Variants in ZNF892 observed in about 807,000 individuals in gnomAD.
ZNF892 encodes zinc finger protein 570-like.
chr2:95,259,240 A>T, the ZNF892 span: 2 of 152,508 alleles, frequency 1.3e-5, no homozygotes, highest in Non-Finnish European at 2.9e-5. Context: ...GCTTGAGGTA[A>T]TCCTTATGTC....
the ZNF892 span, among the ~76,000 whole-genome samples, chr2:95,224,630 A>G: frequency 2.6e-4 from 40 of 152,276 alleles, no homozygotes; most frequent in East Asian, 6.2e-3. Flanking sequence ...TCATGATCCA[A>G]TCGCCTCCAA....
chr2:95,253,144 C>T, the ZNF892 span, among the ~76,000 whole-genome samples: 1 of 152,322 alleles, frequency 6.6e-6, no homozygotes, highest in South Asian at 2.1e-4. Flanking sequence ...GTGTTTTAGA[C>T]ATGAAGTCCT....
the ZNF892 span, among the ~76,000 whole-genome samples, chr2:95,210,231 GTATATATGTATA>G: frequency 6.7e-6 from 1 of 148,898 alleles, no homozygotes; most frequent in Non-Finnish European, 1.5e-5. Context: ...ATATATATGT[GTATATATGTATA>G]TATATATGTG....
At chr2:95,225,043 AAATTACCCAT>A in the ZNF892 span, among the ~76,000 whole-genome samples, 30 of 152,206 alleles carry the variant, frequency 2.0e-4, no homozygotes, top group African/African-American at 7.2e-4. Context: ...TATTCGCTAT[AAATTACCCAT>A]TATAGCATTC....
chr2:95,238,486 G>A, the ZNF892 span, among the ~76,000 whole-genome samples: 2 of 152,194 alleles, frequency 1.3e-5, no homozygotes, highest in Non-Finnish European at 2.9e-5. Flanking sequence ...AGATGCACAA[G>A]GAGATTAATA....
chr2:95,209,940 G>T, the ZNF892 span, among the ~76,000 whole-genome samples: 1 of 152,080 alleles, frequency 6.6e-6, no homozygotes, highest in Admixed American at 6.5e-5. Flanking sequence ...TGTATTTTGG[G>T]CAGAGGATTT....
the ZNF892 span, among the ~76,000 whole-genome samples, chr2:95,251,805 T>A: frequency 3.3e-5 from 5 of 152,358 alleles, no homozygotes; most frequent in African/African-American, 9.6e-5. Flanking sequence ...GAATCTCTTC[T>A]TAGGATTTTC....
chr2:95,222,420 A>G, the ZNF892 span, among the ~76,000 whole-genome samples: 1 of 152,240 alleles, frequency 6.6e-6, no homozygotes, highest in Non-Finnish European at 1.5e-5. Flanking sequence ...AACCTTTTCC[A>G]GAATGATTAA....
At chr2:95,217,234 C>A in the ZNF892 span, among the ~76,000 whole-genome samples, 1 of 152,146 alleles carries the variant, frequency 6.6e-6, no homozygotes, top group African/African-American at 2.4e-5. Flanking sequence ...GCCCTTATTA[C>A]CTCATTTAAC....
At chr2:95,240,557 A>G in the ZNF892 span, among the ~76,000 whole-genome samples, 1 of 152,320 alleles carries the variant, frequency 6.6e-6, no homozygotes, top group South Asian at 2.1e-4. Context: ...ACAGAGACCC[A>G]GGAGTTTTAC....
the ZNF892 span, among the ~76,000 whole-genome samples, chr2:95,228,259 G>A: frequency 6.6e-6 from 1 of 152,164 alleles, no homozygotes; most frequent in Non-Finnish European, 1.5e-5. Flanking sequence ...CTACACATGT[G>A]TGATTTTCAT....
chr2:95,239,556 A>T, the ZNF892 span, among the ~76,000 whole-genome samples: 1 of 152,158 alleles, frequency 6.6e-6, no homozygotes, highest in Non-Finnish European at 1.5e-5. Context: ...ATTAGTCAGC[A>T]GCCATCATCA....
chr2:95,222,869 G>A, the ZNF892 span, among the ~76,000 whole-genome samples: 1 of 152,060 alleles, frequency 6.6e-6, no homozygotes, highest in Non-Finnish European at 1.5e-5. Context: ...TCTTCTAGTA[G>A]CTTAATGATA....
the ZNF892 span, among the ~76,000 whole-genome samples, chr2:95,227,884 A>T: frequency 6.6e-6 from 1 of 152,090 alleles, no homozygotes; most frequent in Non-Finnish European, 1.5e-5. Flanking sequence ...GGATTATAGC[A>T]TGTGTCTTCT....
the ZNF892 span, among the ~76,000 whole-genome samples, chr2:95,253,403 G>A: frequency 6.6e-6 from 1 of 152,186 alleles, no homozygotes; most frequent in Non-Finnish European, 1.5e-5. Context: ...TAGATATGTG[G>A]CATTATTTCT....
the ZNF892 span, among the ~76,000 whole-genome samples, chr2:95,209,150 G>C: frequency 6.6e-6 from 1 of 152,152 alleles, no homozygotes; most frequent in Non-Finnish European, 1.5e-5. Context: ...TTTATCATCT[G>C]TTTGGGAGAA....
At chr2:95,241,996 A>G in the ZNF892 span, among the ~76,000 whole-genome samples, 3 of 152,230 alleles carry the variant, frequency 2.0e-5, no homozygotes, top group African/African-American at 4.8e-5. Flanking sequence ...ACATGAGGTT[A>G]TGTAAAGAGA....
chr2:95,226,264 T>C, the ZNF892 span, among the ~76,000 whole-genome samples: 1 of 152,262 alleles, frequency 6.6e-6, no homozygotes, highest in Non-Finnish European at 1.5e-5. Flanking sequence ...TATTTCTTCC[T>C]TTCCAATTTA....
the ZNF892 span, among the ~76,000 whole-genome samples, chr2:95,255,287 C>T: frequency 6.6e-6 from 1 of 152,080 alleles, no homozygotes; most frequent in African/African-American, 2.4e-5. Flanking sequence ...TGTCTTTGTT[C>T]TCGTTGGTTT....
Sources: gnomAD v4.1 joint callset for allele counts (sites outside exome capture counted in the v4.1 genomes callset) on GRCh38, gnomAD v4.1.1 for gene constraint, MANE v1.5 for transcripts, NCBI Gene and HGNC (gene_info 2026-07-23, HGNC 2026-07-21) for gene names.